NELL1: variants seen among roughly 807,000 people sequenced by gnomAD.
The protein encoded by NELL1 is protein kinase C-binding protein NELL1.
In NELL1, 76 loss-of-function variants were observed where a neutral mutation model predicts 107.4. The observed-to-expected ratio is 0.71, with a 90% CI of 0.59 to 0.86. NELL1 has a LOEUF of 0.86. NELL1 is among the 40% of genes least tolerant of loss of function. The pLI is 0.00. For synonymous variants in NELL1, 353 were observed against 341.2 expected (o/e 1.03, Z -0.38); for missense variants, 1,024 against 1,005.5 (o/e 1.02, Z -0.25).
At chr11:21,345,786 T>C (rs527549727) in intron 14 of NELL1, among the ~76,000 whole-genome samples, 2 of 152,310 alleles carry the variant, frequency 1.3e-5, no homozygotes, top group Admixed American at 1.3e-4. Context: ...TCAATATCAC[T>C]GTTTGTGTGC....
At chr11:20,957,566 T>C (rs532135184) in intron 11 of NELL1, among the ~76,000 whole-genome samples, 4 of 152,052 alleles carry the variant, frequency 2.6e-5, no homozygotes, top group Non-Finnish European at 4.4e-5. Flanking sequence ...AAACAACAAA[T>C]GGCAAAATTA....
At chr11:21,529,473 G>T (rs1855943815) in intron 15 of NELL1, among the ~76,000 whole-genome samples, 1 of 152,148 alleles carries the variant, frequency 6.6e-6, no homozygotes, top group Non-Finnish European at 1.5e-5. Context: ...GCAAATAGCA[G>T]AAAATAAGCA....
intron 16 of NELL1, among the ~76,000 whole-genome samples, chr11:21,547,628 A>ATAAG (rs1475518760): frequency 2.0e-5 from 3 of 151,978 alleles, no homozygotes; most frequent in Non-Finnish European, 2.9e-5. Context: ...ATACTCTATC[A>ATAAG]TAAGTCTATC....
intron 15 of NELL1, among the ~76,000 whole-genome samples, chr11:21,372,977 G>A (rs1851390846): frequency 6.6e-6 from 1 of 151,932 alleles, no homozygotes; most frequent in African/African-American, 2.4e-5. Context: ...ATCAAGACCA[G>A]GGAAAAAGTT....
At chr11:21,350,722 C>T (rs970595585) in intron 14 of NELL1, among the ~76,000 whole-genome samples, 1 of 152,134 alleles carries the variant, frequency 6.6e-6, no homozygotes, top group African/African-American at 2.4e-5. Context: ...AGTTGAAAGA[C>T]ACCATCTGTA....
chr11:20,733,631 A>G (rs1855696322), intron 2 of NELL1, among the ~76,000 whole-genome samples: 1 of 152,212 alleles, frequency 6.6e-6, no homozygotes, highest in Non-Finnish European at 1.5e-5. Context: ...AGTACCTACC[A>G]CTGTGCAGTC....
rs1555006040 is a variant in NELL1 at position 21,337,732 on chromosome 11, T to TTTCC, written c.1550-33118_1550-33115dup. On this transcript the variant is annotated intron_variant, in intron 14 of 19. Coordinates refer to ENST00000357134, the MANE Select transcript of NELL1 (RefSeq NM_006157.5). ...TTCCCGCTTTTCATTCTTTTCTTTC[T>TTTCC]TTCCTTTCTTTCTTTCTTTCTTTCT... Among the ~76,000 whole-genome samples, 77 of 146,654 alleles carry TTTCC rather than the reference T, an allele frequency of 5.3e-4. 2 individuals carry two copies. Among genetic ancestry groups the TTTCC allele is most frequent in the South Asian group, 5.1e-3 (23 of 4,482 alleles).
Position 21,021,154 on chromosome 11 carries a change from A to G in NELL1, c.1300+60594A>G, listed in dbSNP as rs546646401. Among the ~76,000 whole-genome samples the G allele has an allele frequency of 2.4e-4, 37 of 151,884 alleles. No homozygotes were observed. The South Asian group carries it at 7.5e-3, about 31-fold the overall frequency. ...TTTGCTTGCAACTGTATTTTTATGA[A>G]CTATATTTGCCTTAAGAGTTGAGAT... On this transcript the variant is annotated intron_variant, in intron 12 of 19. Transcript: ENST00000357134.
At chr11:21,314,276 T>C (rs1305744976) in intron 14 of NELL1, among the ~76,000 whole-genome samples, 1 of 152,118 alleles carries the variant, frequency 6.6e-6, no homozygotes, top group African/African-American at 2.4e-5. Flanking sequence ...CTTCCAATAC[T>C]GTTACATTGG....
chr11:21,563,586 G>T (rs57389131), intron 17 of NELL1, among the ~76,000 whole-genome samples: 118 of 152,008 alleles, frequency 7.8e-4, no homozygotes, highest in African/African-American at 2.7e-3. Flanking sequence ...TACCCTATTA[G>T]GTATTATTAG....
chr11:21,438,259 G>GATT, intron 15 of NELL1, among the ~76,000 whole-genome samples: 1 of 150,568 alleles, frequency 6.6e-6, no homozygotes, highest in South Asian at 2.1e-4. Flanking sequence ...TTACATGACA[G>GATT]TTTTTTTGTT....
chr11:20,935,019 G>A (rs1590433950), intron 9 of NELL1, among the ~76,000 whole-genome samples: 1 of 152,104 alleles, frequency 6.6e-6, no homozygotes, highest in Non-Finnish European at 1.5e-5. Flanking sequence ...CTTATCTGTG[G>A]ATCAAGAAAT....
At chr11:21,311,082 G>GGA (rs1352875466) in intron 14 of NELL1, among the ~76,000 whole-genome samples, 29 of 152,212 alleles carry the variant, frequency 1.9e-4, no homozygotes, top group African/African-American at 6.3e-4. Context: ...GCTTCTCATA[G>GGA]TGTTTAATGA....
At chr11:21,146,879 G>A (rs1387549676) in intron 13 of NELL1, among the ~76,000 whole-genome samples, 8 of 152,010 alleles carry the variant, frequency 5.3e-5, no homozygotes, top group African/African-American at 1.9e-4. Flanking sequence ...CCCTGTCTCT[G>A]CTAAAAATAC....
chr11:21,036,085 C>T (rs536072775), intron 12 of NELL1, among the ~76,000 whole-genome samples: 6 of 152,086 alleles, frequency 3.9e-5, no homozygotes, highest in South Asian at 2.1e-4. Flanking sequence ...TTACTATGCA[C>T]CAACAACAGT....
In NELL1 at chr11:21,224,902, C is replaced by T. The variant is rs144570456; in HGVS notation, c.1427-4430C>T. Among the ~76,000 whole-genome samples, 5 of 152,246 alleles carry T rather than the reference C, an allele frequency of 3.3e-5. No homozygotes were observed. In the East Asian group the frequency reaches 9.7e-4, roughly 29 times the overall value. Reference sequence around the variant, plus strand: ...TTGAAATGTCTGTGTTCTCTTGTTTCTTGCTGAATCTCCTTAAGATCATTA... The same window carrying T: ...TTGAAATGTCTGTGTTCTCTTGTTTTTTGCTGAATCTCCTTAAGATCATTA... On this transcript the variant is annotated intron_variant, in intron 13 of 19. Coordinates refer to ENST00000357134, the MANE Select transcript of NELL1 (RefSeq NM_006157.5).
chr11:21,340,665 TGA>T (rs1439671308), intron 14 of NELL1, among the ~76,000 whole-genome samples: 1 of 127,422 alleles, frequency 7.8e-6, no homozygotes, highest in African/African-American at 3.1e-5. Context: ...ACACACAGAA[TGA>T]GAGAGAATGA....
At chr11:21,166,893 A>C (rs1242159312) in intron 13 of NELL1, among the ~76,000 whole-genome samples, 1 of 151,924 alleles carries the variant, frequency 6.6e-6, no homozygotes, top group African/African-American at 2.4e-5. Flanking sequence ...TCAAAAAACA[A>C]AAATGCCAAT....
At chr11:21,126,211 A>G (rs1048278885) in intron 13 of NELL1, among the ~76,000 whole-genome samples, 1 of 152,178 alleles carries the variant, frequency 6.6e-6, no homozygotes, top group Non-Finnish European at 1.5e-5. Flanking sequence ...AAGCTCAAAT[A>G]TAACCTCCAT....
Sources: gnomAD v4.1 joint callset for allele counts (sites outside exome capture counted in the v4.1 genomes callset) on GRCh38, gnomAD v4.1.1 for gene constraint, MANE v1.5 for transcripts, NCBI Gene and HGNC (gene_info 2026-07-23, HGNC 2026-07-21) for gene names.